NEDD8: variants seen among roughly 807,000 people sequenced by gnomAD.
NEDD8 encodes the protein ubiquitin-like protein NEDD8.
Under a neutral mutation model 13.8 loss-of-function variants are expected in NEDD8, and 1 was observed. The observed-to-expected ratio is 0.07, with a 90% CI of 0.03 to 0.34. The LOEUF (loss-of-function observed/expected upper bound fraction) is 0.34. NEDD8 is among the 10% of genes least tolerant of loss of function. NEDD8 has a pLI of 0.99. For synonymous variants in NEDD8, 31 were observed against 33.2 expected (o/e 0.93, Z 0.23); for missense variants, 10 against 95.2 (o/e 0.10, Z 3.73).
chr14:24,229,466 C>G (rs1376499877), intron 1 of NEDD8, among the ~76,000 whole-genome samples: 3 of 152,138 alleles, frequency 2.0e-5, no homozygotes, highest in African/African-American at 7.2e-5. Flanking sequence ...GATCCGCCCG[C>G]CTTGGCCTCC....
At chr14:24,232,102 A>G (rs2040049868) in intron 1 of NEDD8, 148 bp downstream of exon 1, 3 of 1,296,538 alleles carry the variant, frequency 2.3e-6, no homozygotes, top group African/African-American at 1.5e-5. Flanking sequence ...GGGTCCCCCT[A>G]TTTCCCACCA....
intron 1 of NEDD8, among the ~76,000 whole-genome samples, chr14:24,225,841 C>A (rs1467873156): frequency 6.6e-6 from 1 of 151,988 alleles, no homozygotes; most frequent in African/African-American, 2.4e-5. Flanking sequence ...GAGTTCGAGG[C>A]CAGCCTGGAT....
chr14:24,220,240 C>G (rs1455072628), intron 1 of NEDD8, among the ~76,000 whole-genome samples: 1 of 152,214 alleles, frequency 6.6e-6, no homozygotes, highest in Non-Finnish European at 1.5e-5. Context: ...GACACACAAG[C>G]AGTCAATGAA....
intron 1 of NEDD8, chr14:24,218,744 G>A: frequency 2.4e-6 from 1 of 408,438 alleles, no homozygotes; most frequent in Admixed American, 4.1e-5. Context: ...GGCAATGAAA[G>A]GATTTATTTA....
chr14:24,228,978 C>T (rs2138907415), intron 1 of NEDD8, among the ~76,000 whole-genome samples: 1 of 152,026 alleles, frequency 6.6e-6, no homozygotes, highest in South Asian at 2.1e-4. Flanking sequence ...AGAAGACTGG[C>T]AATTTTAGAG....
intron 1 of NEDD8, chr14:24,232,032 C>A: frequency 4.7e-6 from 3 of 639,084 alleles, no homozygotes; most frequent in Non-Finnish European, 7.8e-6. Context: ...AAAAAGCAGG[C>A]ATGGCAAAAT....
In NEDD8 at chr14:24,232,304, C is replaced by T. The variant is rs1485361512; in HGVS notation, c.-37G>A. The T allele has an allele frequency of 1.2e-6, 2 of 1,607,684 alleles. No individual in the cohort carries two copies. The highest frequency in any genetic ancestry group is 1.1e-5 in the South Asian group (1 of 90,946). On this transcript the variant is annotated 5_prime_UTR_variant, in exon 1 of 4. Transcript: ENST00000250495. ...TTTGGGGCTGCACACGGATAAATTG[C>T]TGCTCCTACCGCTCCGGTCGCCGCT... is the stretch of plus-strand genomic sequence containing the variant.
chr14:24,225,813 C>T (rs188266961), intron 1 of NEDD8, among the ~76,000 whole-genome samples: 5 of 151,982 alleles, frequency 3.3e-5, no homozygotes, highest in Admixed American at 1.3e-4. Flanking sequence ...CCAAGGCAGG[C>T]GGATCACCTG....
intron 1 of NEDD8, chr14:24,227,735 G>A (rs971488502): frequency 4.3e-4 from 65 of 152,324 alleles, no homozygotes; most frequent in African/African-American, 1.4e-3. Flanking sequence ...AAATCAGGAA[G>A]AATTTAATTG....
intron 1 of NEDD8, among the ~76,000 whole-genome samples, chr14:24,231,044 G>A (rs1204252643): frequency 1.3e-5 from 2 of 152,038 alleles, no homozygotes; most frequent in African/African-American, 4.8e-5. Flanking sequence ...CATGCGCCCA[G>A]ACCCTTGGCT....
intron 1 of NEDD8, among the ~76,000 whole-genome samples, chr14:24,230,610 CTCTT>C (rs1268804142): frequency 2.5e-4 from 37 of 148,572 alleles, no homozygotes; most frequent in Middle Eastern, 3.5e-3. Flanking sequence ...CTCCCCCTCT[CTCTT>C]TCTTTTTTTT....
At chr14:24,224,220 C>T (rs950997536) in intron 1 of NEDD8, among the ~76,000 whole-genome samples, 54 of 151,986 alleles carry the variant, frequency 3.6e-4, no homozygotes, top group Non-Finnish European at 2.8e-4. Flanking sequence ...TGAGCCACCG[C>T]GCCCAGCCAA....
chr14:24,230,615 T>TC (rs2039980812), intron 1 of NEDD8, among the ~76,000 whole-genome samples: 1 of 149,086 alleles, frequency 6.7e-6, no homozygotes, highest in African/African-American at 2.5e-5. Flanking sequence ...CCTCTCTCTT[T>TC]CTTTTTTTTT....
intron 1 of NEDD8, among the ~76,000 whole-genome samples, chr14:24,221,579 C>T (rs776284815): frequency 1.3e-4 from 20 of 151,660 alleles, no homozygotes; most frequent in African/African-American, 2.2e-4. Context: ...CGTGCCTGGC[C>T]GATAATACAA....
intron 3 of NEDD8, 176 bp downstream of exon 3, chr14:24,217,957 G>T: frequency 1.7e-6 from 1 of 580,336 alleles, no homozygotes; most frequent in Non-Finnish European, 2.9e-6. Flanking sequence ...TATATATTTT[G>T]TTTTATGCCT....
Position 24,217,089 on chromosome 14 carries a change from T to C in NEDD8, c.*38A>G, listed in dbSNP as rs1457246006. ...AGTGAGAGGATATATGATGCCTCAT[T>C]ATGAGCGACAGGGTAAAGAGGTAAA... On this transcript the variant is annotated 3_prime_UTR_variant, in exon 4 of 4. Coordinates refer to ENST00000250495, the MANE Select transcript of NEDD8 (RefSeq NM_006156.3). The C allele has an allele frequency of 1.3e-6, 2 of 1,543,312 alleles. No homozygotes were observed. The highest frequency in any genetic ancestry group is 3.6e-5 in the Admixed American group (2 of 56,216).
chr14:24,221,933 G>C (rs2138888965), intron 1 of NEDD8, among the ~76,000 whole-genome samples: 1 of 152,242 alleles, frequency 6.6e-6, no homozygotes, highest in African/African-American at 2.4e-5. Context: ...TCTCAGAGAA[G>C]ACCTAGAGCT....
chr14:24,220,828 G>T (rs1485436416), intron 1 of NEDD8, among the ~76,000 whole-genome samples: 1 of 152,194 alleles, frequency 6.6e-6, no homozygotes, highest in Non-Finnish European at 1.5e-5. Flanking sequence ...TTTTATTTCT[G>T]TACTCCGTCC....
chr14:24,229,536 A>G (rs1323931556), intron 1 of NEDD8, among the ~76,000 whole-genome samples: 2 of 152,194 alleles, frequency 1.3e-5, no homozygotes, highest in African/African-American at 2.4e-5. Flanking sequence ...AGTACTTTTT[A>G]AACTGCAGGT....
Sources: gnomAD v4.1 joint callset for allele counts (sites outside exome capture counted in the v4.1 genomes callset) on GRCh38, gnomAD v4.1.1 for gene constraint, MANE v1.5 for transcripts, NCBI Gene and HGNC (gene_info 2026-07-23, HGNC 2026-07-21) for gene names.